PLCB1: variants seen among roughly 807,000 people sequenced by gnomAD.
PLCB1 encodes phospholipase C beta 1, also known as 1-phosphatidylinositol 4,5-bisphosphate phosphodiesterase beta-1.
In PLCB1, 46 loss-of-function variants were observed where a neutral mutation model predicts 161.8. That is an observed-to-expected ratio of 0.28 (90% confidence interval 0.22 to 0.36). PLCB1 has a LOEUF of 0.36. Among genes scored for constraint, PLCB1 ranks in the 10% least tolerant of loss-of-function variants. The pLI, the probability that PLCB1 is intolerant of heterozygous loss-of-function variation, is 1.00. For missense variants in PLCB1, 1,016 were observed against 1,472.5 expected, an observed-to-expected ratio of 0.69 and a Z score of 5.07; for synonymous variants, 517 against 503.7, an observed-to-expected ratio of 1.03 and a Z score of -0.35.
At chr20:8,414,141 A>C (rs708917) in intron 3 of PLCB1, among the ~76,000 whole-genome samples, 8 of 142,422 alleles carry the variant, frequency 5.6e-5, no homozygotes, top group African/African-American at 2.3e-4. Flanking sequence ...CTATCAAGAC[A>C]AAAAAAAAAG....
rs2123428266 is a variant in PLCB1 at position 8,697,789 on chromosome 20, G to A, written c.1167+6G>A. 4.3e-6 allele frequency: 7 copies of A among 1,613,796 alleles called. No individual in the cohort carries two copies. The highest frequency in any genetic ancestry group is 1.1e-5 in the South Asian group (1 of 91,052). ...CAACTGAAATATCTTTCAAGGTAGA[G>A]TATATGAATGTTACTAAGAGAGGCA... On this transcript the variant is annotated splice_donor_region_variant and intron_variant, in intron 11 of 31. Transcript: ENST00000338037.
intron 2 of PLCB1, among the ~76,000 whole-genome samples, chr20:8,326,084 G>A (rs1382268552): frequency 6.6e-6 from 1 of 152,182 alleles, no homozygotes; most frequent in Non-Finnish European, 1.5e-5. Flanking sequence ...CTTCGAGGTT[G>A]TTTAAGTAAA....
At chr20:8,297,935 A>G (rs1463433084) in intron 2 of PLCB1, among the ~76,000 whole-genome samples, 3 of 148,144 alleles carry the variant, frequency 2.0e-5, no homozygotes, top group Non-Finnish European at 4.4e-5. Flanking sequence ...ATGATTTTGC[A>G]GGCTCACATG....
intron 2 of PLCB1, among the ~76,000 whole-genome samples, chr20:8,231,002 T>C (rs78514159): frequency 0.019 from 2,878 of 152,176 alleles, 65 homozygotes; most frequent in South Asian, 0.064. Context: ...TTGACCACTA[T>C]TTTTCCATTC....
intron 2 of PLCB1, among the ~76,000 whole-genome samples, chr20:8,370,097 G>A (rs1167978743): frequency 2.0e-5 from 3 of 152,136 alleles, no homozygotes; most frequent in African/African-American, 7.2e-5. Context: ...CCTCCTTCCG[G>A]GAGAAGGGGA....
chr20:8,307,793 G>A (rs1379863881), intron 2 of PLCB1, among the ~76,000 whole-genome samples: 1 of 151,706 alleles, frequency 6.6e-6, no homozygotes, highest in African/African-American at 2.4e-5. Flanking sequence ...ATAGTGGCAC[G>A]CGCCTGTAAT....
intron 2 of PLCB1, among the ~76,000 whole-genome samples, chr20:8,261,377 C>T (rs551674886): frequency 4.6e-5 from 7 of 152,080 alleles, no homozygotes; most frequent in Non-Finnish European, 1.0e-4. Flanking sequence ...TATCTCTTCA[C>T]TAAGCTCCTC....
intron 22 of PLCB1, among the ~76,000 whole-genome samples, chr20:8,740,952 C>T (rs556246260): frequency 9.8e-4 from 149 of 152,350 alleles, no homozygotes; most frequent in African/African-American, 3.4e-3. Context: ...GCAGCCATAA[C>T]TCATTCCAGC....
chr20:8,499,399 T>G (rs1983310888), intron 3 of PLCB1, among the ~76,000 whole-genome samples: 1 of 152,204 alleles, frequency 6.6e-6, no homozygotes, highest in South Asian at 2.1e-4. Context: ...ATGTATGAGT[T>G]ACACTGGAGA....
chr20:8,267,706 G>A (rs934040030), intron 2 of PLCB1, among the ~76,000 whole-genome samples: 2 of 152,066 alleles, frequency 1.3e-5, no homozygotes, highest in African/African-American at 2.4e-5. Context: ...GAACGGGAGC[G>A]GGCTTGAGCA....
chr20:8,317,082 T>G (rs1444904594), intron 2 of PLCB1, among the ~76,000 whole-genome samples: 1 of 151,482 alleles, frequency 6.6e-6, no homozygotes, highest in Admixed American at 6.6e-5. Context: ...AATGAATGAG[T>G]GAATGAATAC....
intron 27 of PLCB1, among the ~76,000 whole-genome samples, chr20:8,785,593 G>A (rs374681708): frequency 2.5e-4 from 38 of 152,152 alleles, no homozygotes; most frequent in African/African-American, 8.0e-4. Flanking sequence ...TGTGATGGGA[G>A]CCAAGAGGGA....
chr20:8,351,980 T>A (rs750841847), intron 2 of PLCB1, among the ~76,000 whole-genome samples: 1 of 152,130 alleles, frequency 6.6e-6, no homozygotes, highest in Non-Finnish European at 1.5e-5. Flanking sequence ...CTAGCAATTG[T>A]GCTCCTAGGT....
At chr20:8,448,588 G>A (rs908624187) in intron 3 of PLCB1, among the ~76,000 whole-genome samples, 4 of 152,112 alleles carry the variant, frequency 2.6e-5, no homozygotes, top group South Asian at 4.1e-4. Flanking sequence ...CCAACACCAG[G>A]GTTCCTTTTG....
At chr20:8,276,655 T>C (rs2123274265) in intron 2 of PLCB1, among the ~76,000 whole-genome samples, 1 of 152,334 alleles carries the variant, frequency 6.6e-6, no homozygotes, top group South Asian at 2.1e-4. Flanking sequence ...TTTGAGCTTT[T>C]TTCCAAAATA....
At chr20:8,820,102 TTA>T (rs917610096) in intron 31 of PLCB1, among the ~76,000 whole-genome samples, 1 of 147,442 alleles carries the variant, frequency 6.8e-6, no homozygotes, top group Non-Finnish European at 1.5e-5. Context: ...TATGTTTTAT[TTA>T]TGTTTTTTTT....
intron 3 of PLCB1, among the ~76,000 whole-genome samples, chr20:8,551,016 A>G (rs1325175558): frequency 1.3e-5 from 2 of 152,186 alleles, no homozygotes; most frequent in Non-Finnish European, 2.9e-5. Flanking sequence ...GTCTGGGCTA[A>G]CTTTTTTGTT....
intron 4 of PLCB1, among the ~76,000 whole-genome samples, chr20:8,640,982 G>A (rs1770780081): frequency 6.6e-6 from 1 of 152,156 alleles, no homozygotes; most frequent in African/African-American, 2.4e-5. Flanking sequence ...AGAACTGGCA[G>A]CCTGAACTCT....
At chr20:8,764,466 T>C (rs922213218) in intron 25 of PLCB1, among the ~76,000 whole-genome samples, 2 of 152,228 alleles carry the variant, frequency 1.3e-5, no homozygotes, top group Non-Finnish European at 2.9e-5. Context: ...TATAAAGTTA[T>C]AGAAGTATTA....
Sources: gnomAD v4.1 joint callset for allele counts (sites outside exome capture counted in the v4.1 genomes callset) on GRCh38, gnomAD v4.1.1 for gene constraint, MANE v1.5 for transcripts, NCBI Gene and HGNC (gene_info 2026-07-23, HGNC 2026-07-21) for gene names.